The following IGSF6 variants were observed in gnomAD, a reference collection of about 807,000 sequenced individuals.
The protein encoded by IGSF6 is immunoglobulin superfamily member 6, also known as down-regulated by activation (immunoglobulin superfamily).
A neutral mutation model predicts 24.7 loss-of-function variants in IGSF6; 23 were observed. That is an observed-to-expected ratio of 0.93 (90% CI 0.67 to 1.32). The LOEUF (loss-of-function observed/expected upper bound fraction) is 1.32. IGSF6 is among the 40% of genes most tolerant of loss of function. The pLI is 0.00. For synonymous variants in IGSF6, 110 were observed against 113.7 expected (o/e 0.97, Z 0.21); for missense variants, 295 against 293.6 (o/e 1.00, Z -0.04).
chr16:21,643,518 A>G (rs766059910), intron 4 of IGSF6, 30 bp downstream of exon 4: 4 of 1,417,260 alleles, frequency 2.8e-6, no homozygotes, highest in Non-Finnish European at 3.9e-6. Flanking sequence ...GCCACAATTT[A>G]AAAAATATTT....
In IGSF6 at chr16:21,641,467, G is replaced by A; in HGVS notation, c.*67C>T. The A allele has an allele frequency of 1.1e-6, 1 of 870,474 alleles. No homozygotes were observed. Among genetic ancestry groups the A allele is most frequent in the Non-Finnish European group, 1.8e-6 (1 of 541,244 alleles). 53.9% of individuals were successfully genotyped at this position (870,474 alleles called of 1,614,324 possible). On this transcript the variant is annotated 3_prime_UTR_variant, in exon 6 of 6. Transcript: ENST00000268389. Reference sequence around the variant, plus strand: ...TTTTTTTTAAGACCTGATGATATATGTTCATTAACACTGCCATAGCTCCTG... The same window carrying A: ...TTTTTTTTAAGACCTGATGATATATATTCATTAACACTGCCATAGCTCCTG...
chr16:21,642,757 G>A (rs1167588633), intron 5 of IGSF6, among the ~76,000 whole-genome samples: 1 of 152,116 alleles, frequency 6.6e-6, no homozygotes, highest in African/African-American at 2.4e-5. Flanking sequence ...ACTGCATGCA[G>A]GATACTGTAC....
At chr16:21,644,698 A>G (rs972243200) in intron 2 of IGSF6, among the ~76,000 whole-genome samples, 3 of 152,238 alleles carry the variant, frequency 2.0e-5, no homozygotes, top group African/African-American at 4.8e-5. Context: ...TTGAAGTTAG[A>G]TAAACATTTC....
intron 1 of IGSF6, among the ~76,000 whole-genome samples, chr16:21,650,990 G>A (rs1336328830): frequency 2.6e-5 from 4 of 152,190 alleles, no homozygotes; most frequent in African/African-American, 2.4e-5. Flanking sequence ...ATGGGAGGCC[G>A]AGGCGGGCGG....
In IGSF6 at chr16:21,641,348, G is replaced by A. The variant is rs1464761281; in HGVS notation, c.*186C>T. On this transcript the variant is annotated 3_prime_UTR_variant, in exon 6 of 6. Transcript: ENST00000268389. ...AGGTATTTTTCAGTTGCATTTTGTT[G>A]GGTTTTAGTATTTTGGTAATGACTA... 2.5e-6 allele frequency: 1 copy of A among 398,566 alleles called. No individual in the cohort carries two copies. The allele number at this position is 398,566 out of a possible 1,614,324, so 24.7% of individuals were successfully genotyped here.
At chr16:21,650,200 A>G (rs1026251784) in intron 1 of IGSF6, among the ~76,000 whole-genome samples, 3 of 152,012 alleles carry the variant, frequency 2.0e-5, no homozygotes, top group African/African-American at 7.3e-5. Context: ...GCATTGTGAG[A>G]TCCTGTCTCT....
In IGSF6 at chr16:21,643,710, A is replaced by T. The variant is rs571365815; in HGVS notation, c.535-112T>A. 19 of 655,642 alleles carry T rather than the reference A, an allele frequency of 2.9e-5. No homozygotes were observed. The Admixed American group carries it at 6.1e-4, about 21-fold the overall frequency. 40.6% of individuals were successfully genotyped at this position (655,642 alleles called of 1,614,324 possible). A position where few individuals can be genotyped will look rare whatever the true frequency, so the allele number is the denominator to read the frequency against. ...CTAACTTAATATTTAAGTGATATAC[A>T]ATGAGACTTAATTTTTACATCATTT... On this transcript the variant is annotated intron_variant, in intron 3 of 5. Transcript: ENST00000268389.
At chr16:21,651,409 C>T (rs1463423055) in intron 1 of IGSF6, among the ~76,000 whole-genome samples, 1 of 152,120 alleles carries the variant, frequency 6.6e-6, no homozygotes, top group African/African-American at 2.4e-5. Flanking sequence ...ATCCTCCTGC[C>T]TCAGCCTCCC....
At chr16:21,649,109 G>A (rs1966503088) in intron 1 of IGSF6, among the ~76,000 whole-genome samples, 1 of 152,046 alleles carries the variant, frequency 6.6e-6, no homozygotes, top group African/African-American at 2.4e-5. Context: ...TCCTGCCTTA[G>A]CTTCTCAAAA....
rs773508193 is a variant in IGSF6, at chr16:21,647,379, C to T, written c.181G>A (p.Glu61Lys). The change falls in exon 2 of 6, where the codon GAG becomes AAG. Residue 61 changes from glutamate (E) to lysine (K), a missense_variant. Physicochemically the swap from Glu to Lys is moderately conservative, Grantham distance 56. Coordinates refer to ENST00000268389, the MANE Select transcript of IGSF6 (RefSeq NM_005849.4). The stretch of plus-strand genomic sequence containing the variant: ...CGAAACCACAGGCATGTTGGTTGCT[C>T]AGAAGGGCATCCGGTTGCGGAGAAG... ...CTFSATGCPS[E>K]QPTCLWFRYG... 3.0e-5 allele frequency: 49 copies of T among 1,613,994 alleles called. 1 individual carries two copies. In the East Asian group the frequency reaches 1.1e-3, roughly 35 times the overall value.
At chr16:21,651,887 C>CA (rs1285358399) in intron 1 of IGSF6, 1 of 152,068 alleles carries the variant, frequency 6.6e-6, no homozygotes, top group Non-Finnish European at 1.5e-5. Context: ...AAAGTAGAAG[C>CA]AAAAAGTCAC....
chr16:21,651,440 G>A (rs1966573958), intron 1 of IGSF6, among the ~76,000 whole-genome samples: 1 of 152,056 alleles, frequency 6.6e-6, no homozygotes, highest in Non-Finnish European at 1.5e-5. Flanking sequence ...GACTGCAGGT[G>A]CAGTGCAGGT....
intron 1 of IGSF6, among the ~76,000 whole-genome samples, chr16:21,651,185 T>C (rs1315739924): frequency 1.3e-4 from 20 of 152,170 alleles, no homozygotes. Flanking sequence ...ATCTTGCCAC[T>C]GCACTCCAGC....
At position 21,641,555 on chromosome 16, in the gene IGSF6, A is replaced by C; in HGVS notation, c.705T>G (p.Leu235=). ...GTTTCTATGGCCTTTCATAGTTGGAAAGTACTCTTCTGTTTTCATAAGTGT... is the reference window on the plus strand; with the variant it reads ...GTTTCTATGGCCTTTCATAGTTGGACAGTACTCTTCTGTTTTCATAAGTGT... ...DNNTYENRRV[L]SNYERP Residue 235 remains leucine, a synonymous_variant, in exon 6 of 6, where the codon CTT becomes CTG. Coordinates refer to ENST00000268389, the MANE Select transcript of IGSF6 (RefSeq NM_005849.4). 6.3e-7 allele frequency: 1 copy of C among 1,591,356 alleles called. No individual in the cohort carries two copies. Among genetic ancestry groups the C allele is most frequent in the South Asian group, 1.1e-5 (1 of 89,462 alleles).
At position 21,640,321 on chromosome 16, in the gene IGSF6, C is replaced by T. The variant is rs1259627109; in HGVS notation, c.*1213G>A. On this transcript the variant is annotated 3_prime_UTR_variant, in exon 6 of 6. Transcript: ENST00000268389. ...AATAATGAATGCATACTTATGGGCA[C>T]TTTAGATTTTTTTATACCAAAGTAG... The T allele has an allele frequency of 6.6e-6, 1 of 152,004 alleles. No homozygotes were observed. The highest frequency in any genetic ancestry group is 1.5e-5 in the Non-Finnish European group (1 of 68,034). 9.4% of individuals were successfully genotyped at this position (152,004 alleles called of 1,614,324 possible). A position where few individuals can be genotyped will look rare whatever the true frequency, so the allele number is the denominator to read the frequency against.
Position 21,647,264 on chromosome 16 carries a change from TTTTC to T in IGSF6, c.292_295del (p.Glu98ThrfsTer7), listed in dbSNP as rs1241366048. On this transcript the variant is annotated frameshift_variant, in exon 2 of 6. Transcript: ENST00000268389. LOFTEE classifies it high-confidence loss of function. ...TCTGTTTACAGTGAGGGAAACTTGG[TTTTC>T]TTTGAGGGCCTCCCTCACTGTGAAC... is the stretch of plus-strand genomic sequence containing the variant. 6.2e-7 allele frequency: 1 copy of T among 1,614,152 alleles called. No individual in the cohort carries two copies. Among genetic ancestry groups the T allele is most frequent in the South Asian group, 1.1e-5 (1 of 91,084 alleles).
At chr16:21,647,572 C>T in intron 1 of IGSF6, 80 bp from the exon 2 acceptor site, 1 of 1,493,688 alleles carries the variant, frequency 6.7e-7, no homozygotes, top group Non-Finnish European at 9.0e-7. Context: ...AGGTAGGAAA[C>T]CCAGCCATTC....
At chr16:21,651,639 TC>T (rs2141625904) in intron 1 of IGSF6, among the ~76,000 whole-genome samples, 1 of 152,232 alleles carries the variant, frequency 6.6e-6, no homozygotes, top group East Asian at 1.9e-4. Flanking sequence ...TTCTAACATA[TC>T]AAAGTAGCGA....
Position 21,644,301 on chromosome 16 carries a change from G to A in IGSF6, c.523C>T (p.Leu175Phe), listed in dbSNP as rs771542747. The A allele has an allele frequency of 3.1e-6, 5 of 1,610,148 alleles. No individual in the cohort carries two copies. The highest frequency in any genetic ancestry group is 4.3e-6 in the Non-Finnish European group (5 of 1,176,398). Residue 175 changes from leucine to phenylalanine, a missense_variant, in exon 3 of 6, where the codon CTC becomes TTC. Coordinates refer to ENST00000268389, the MANE Select transcript of IGSF6 (RefSeq NM_005849.4). ...AGGATTTGACTTACTTTGGAGAGGA[G>A]TATGAAGGCCACGCACACACCGGTC... is the stretch of plus-strand genomic sequence containing the variant. ...YVTGVCVAFI[L>F]LSKSKSNPLR...
Sources: allele counts gnomAD v4.1 joint callset (sites outside exome capture counted in the v4.1 genomes callset), GRCh38; gene constraint gnomAD v4.1.1; transcripts MANE v1.5; gene names NCBI Gene and HGNC (gene_info 2026-07-23, HGNC 2026-07-21).